Variants in MAP4K5 observed in about 807,000 individuals in gnomAD.
MAP4K5 encodes the protein mitogen-activated protein kinase kinase kinase kinase 5.
MAP4K5 carries 82 observed loss-of-function variants against 135.6 expected under a neutral mutation model. The ratio of observed to expected loss-of-function variants is 0.60; its 90% CI spans 0.51 to 0.73. The LOEUF is 0.73. Ranked by LOEUF, MAP4K5 falls within the 30% of genes least tolerant of loss-of-function variation. The probability of loss-of-function intolerance (pLI) is 0.00; values close to 1 mark genes in which losing one functional copy is unlikely to be tolerated. For synonymous variants in MAP4K5, 347 were observed against 335.0 expected (o/e 1.04, Z -0.39); for missense variants, 907 against 1,010.9 (o/e 0.90, Z 1.39).
In MAP4K5 at chr14:50,430,267, G is replaced by A. The variant is rs553076033; in HGVS notation, c.2165-1007C>T. Among the ~76,000 whole-genome samples the A allele has an allele frequency of 4.6e-5, 7 of 152,214 alleles. No homozygotes were observed. The South Asian group carries it at 1.2e-3, about 27-fold the overall frequency. Reference sequence around the variant, plus strand: ...CCTTTCATTCTCTTAGAACTTTTAAGAGTTAAACATGCCCAACTACATTCA... The same window carrying A: ...CCTTTCATTCTCTTAGAACTTTTAAAAGTTAAACATGCCCAACTACATTCA... On this transcript the variant is annotated intron_variant, in intron 28 of 32. Transcript: ENST00000682126.
At chr14:50,492,060 T>C (rs1595507857) in intron 3 of MAP4K5, among the ~76,000 whole-genome samples, 1 of 152,304 alleles carries the variant, frequency 6.6e-6, no homozygotes, top group South Asian at 2.1e-4. Flanking sequence ...CATTTGTTAT[T>C]TCATCAAATA....
chr14:50,481,934 A>G lies in MAP4K5; in HGVS notation c.378+427T>C, dbSNP rs943657691. ...TTCAAGAGAAATAGTAAAAGCCCCT[A>G]TGTCTCATGGAAGAGATTCCTTTTA... On this transcript the variant is annotated intron_variant, in intron 6 of 32. Transcript: ENST00000682126. Among the ~76,000 whole-genome samples, 41 of 152,206 alleles carry G rather than the reference A, an allele frequency of 2.7e-4. 1 individual carries two copies. Among genetic ancestry groups the G allele is most frequent in the Admixed American group, 1.6e-3 (25 of 15,282 alleles).
In MAP4K5 at chr14:50,440,401, T is replaced by C. The variant is rs1340301988; in HGVS notation, c.1605A>G (p.Thr535=). Residue 535 remains threonine (T), a synonymous_variant, in exon 22 of 33, where the codon ACA becomes ACG. Transcript: ENST00000682126. ...CCTCATGTAGCTCATTGAGATTCAGTGTGTAAATACCATCTTCAGTTCCAA... is the reference window on the plus strand; with the variant it reads ...CCTCATGTAGCTCATTGAGATTCAGCGTGTAAATACCATCTTCAGTTCCAA... The part of the protein sequence containing the change: ...IIFGTEDGIY[T]LNLNELHEAT... 1 of 1,604,764 alleles carries C rather than the reference T, an allele frequency of 6.2e-7. No individual in the cohort carries two copies. Among genetic ancestry groups the C allele is most frequent in the Non-Finnish European group, 8.5e-7 (1 of 1,173,750 alleles).
intron 2 of MAP4K5, among the ~76,000 whole-genome samples, chr14:50,541,056 C>T (rs1016523324): frequency 6.6e-6 from 1 of 152,228 alleles, no homozygotes; most frequent in East Asian, 1.9e-4. Flanking sequence ...CAAATCAGAA[C>T]AGCTCTTGGC....
At chr14:50,536,229 G>T (rs897639124), upstream of MAP4K5, among the ~76,000 whole-genome samples, 1 of 152,216 alleles carries the variant, frequency 6.6e-6, no homozygotes, top group Non-Finnish European at 1.5e-5. Flanking sequence ...CGGATCATCT[G>T]AGGTCGGGAG....
chr14:50,475,620 T>C (rs575314027), intron 8 of MAP4K5, among the ~76,000 whole-genome samples: 3 of 152,176 alleles, frequency 2.0e-5, no homozygotes, highest in Admixed American at 6.5e-5. Context: ...GGTGGGAGCA[T>C]AGCCTGAGGC....
At chr14:50,471,844 G>A (rs1373339760) in intron 9 of MAP4K5, 1 of 152,174 alleles carries the variant, frequency 6.6e-6, no homozygotes, top group Non-Finnish European at 1.5e-5. Context: ...ATGTGGTAAA[G>A]TCTTCCGTCA....
At chr14:50,489,360 T>TA (rs2037433893) in intron 3 of MAP4K5, among the ~76,000 whole-genome samples, 1 of 152,130 alleles carries the variant, frequency 6.6e-6, no homozygotes. Flanking sequence ...AAGAAAAAGG[T>TA]ACTTGCTTAA....
chr14:50,460,115 C>T (rs1184323555), intron 13 of MAP4K5, among the ~76,000 whole-genome samples: 1 of 152,136 alleles, frequency 6.6e-6, no homozygotes, highest in Admixed American at 6.6e-5. Context: ...TCCTCTAATT[C>T]TGATTTATCC....
intron 1 of MAP4K5, among the ~76,000 whole-genome samples, chr14:50,552,994 A>C (rs2038721606): frequency 6.6e-6 from 1 of 152,110 alleles, no homozygotes; most frequent in Non-Finnish European, 1.5e-5. Flanking sequence ...ATGCAACAAA[A>C]ACAAAAATAA....
At chr14:50,421,390 C>T (rs2035728283) in intron 32 of MAP4K5, among the ~76,000 whole-genome samples, 1 of 151,752 alleles carries the variant, frequency 6.6e-6, no homozygotes, top group Admixed American at 6.6e-5. Flanking sequence ...TCCCGAGTAG[C>T]TGGGATTAAA....
chr14:50,459,912 G>A (rs1298118445), intron 13 of MAP4K5, among the ~76,000 whole-genome samples: 1 of 151,852 alleles, frequency 6.6e-6, no homozygotes, highest in Non-Finnish European at 1.5e-5. Flanking sequence ...GTTGCCCAGG[G>A]TGGTCTTGAA....
chr14:50,521,635 C>A (rs1432640013), intron 2 of MAP4K5, among the ~76,000 whole-genome samples: 1 of 152,144 alleles, frequency 6.6e-6, no homozygotes, highest in Non-Finnish European at 1.5e-5. Flanking sequence ...TCATTTTAAT[C>A]CAATTTCATT....
chr14:50,468,841 C>A, intron 9 of MAP4K5, 59 bp from the exon 10 acceptor site: 2 of 1,492,970 alleles, frequency 1.3e-6, no homozygotes, highest in East Asian at 2.4e-5. Flanking sequence ...GAATCTGTTA[C>A]TTCCTGTTAT....
chr14:50,507,645 C>T lies in MAP4K5; in HGVS notation c.109-2788G>A, dbSNP rs1426040628. The stretch of plus-strand genomic sequence containing the variant: ...AGGAGCAGGTTGTTCAGTTTCCATG[C>T]AGTTGAGCAGTTTTGAGTGAGTTTC... On this transcript the variant is annotated intron_variant, in intron 2 of 32. Transcript: ENST00000682126. Among the ~76,000 whole-genome samples the T allele has an allele frequency of 3.3e-5, 5 of 152,142 alleles. No individual in the cohort carries two copies. In the East Asian group the frequency reaches 9.6e-4, roughly 29 times the overall value.
At chr14:50,485,763 T>A (rs1238842080) in intron 4 of MAP4K5, 121 bp from the exon 5 acceptor site, 1 of 623,332 alleles carries the variant, frequency 1.6e-6, no homozygotes, top group Non-Finnish European at 2.8e-6. Flanking sequence ...AACAGGAAAC[T>A]GCTATGTAAT....
rs548302636 is a variant in MAP4K5, at chr14:50,462,986, A to C, written c.820-205T>G. Reference sequence around the variant, plus strand: ...AAACTGAAGAGCCTTTGTAGGGTAAATTTAGAAAGCAATTTCTTTTTGTGA... The same window carrying C: ...AAACTGAAGAGCCTTTGTAGGGTAACTTTAGAAAGCAATTTCTTTTTGTGA... On this transcript the variant is annotated intron_variant, in intron 12 of 32. Transcript: ENST00000682126. Among the ~76,000 whole-genome samples the C allele has an allele frequency of 3.3e-5, 5 of 152,336 alleles. No individual in the cohort carries two copies. In the East Asian group the frequency reaches 9.6e-4, roughly 29 times the overall value.
At chr14:50,495,299 C>T (rs1047102438) in intron 3 of MAP4K5, among the ~76,000 whole-genome samples, 2 of 152,100 alleles carry the variant, frequency 1.3e-5, no homozygotes, top group Non-Finnish European at 2.9e-5. Context: ...GACCTGCAAA[C>T]AGCCAATAAG....
rs1486747147 is a variant in MAP4K5, at chr14:50,425,911, T to A, written c.2393A>T (p.Asp798Val). 6.2e-7 allele frequency: 1 copy of A among 1,610,518 alleles called. No homozygotes were observed. Among genetic ancestry groups the A allele is most frequent in the Non-Finnish European group, 8.5e-7 (1 of 1,177,524 alleles). The change falls in exon 31 of 33, where the codon GAT becomes GTT. Residue 798 changes from aspartate to valine, a missense_variant. This residue lies in a region of MAP4K5 where 690 missense variants were observed against 777.4 expected (regional missense o/e 0.89). Transcript: ENST00000682126. ...AGGTAATCTGAGAAGGCTTACCTCA[T>A]CTGACTTGAAGCTTTTACCCTGCAT... The part of the protein sequence containing the change: ...HGMQGKSFKS[D>V]EVTQEISDET...
Sources: gnomAD v4.1 joint callset for allele counts (sites outside exome capture counted in the v4.1 genomes callset) on GRCh38, gnomAD v4.1.1 for gene constraint, gnomAD v4.1.1 regional missense constraint, MANE v1.5 for transcripts, NCBI Gene and HGNC (gene_info 2026-07-23, HGNC 2026-07-21) for gene names.